Variants in PPFIA2 observed in about 807,000 individuals in gnomAD.
The protein encoded by PPFIA2 is liprin-alpha-2.
In PPFIA2, 46 loss-of-function variants were observed where a neutral mutation model predicts 175.5. That is an observed-to-expected ratio of 0.26 (90% CI 0.21 to 0.34). The LOEUF (loss-of-function observed/expected upper bound fraction) is 0.34, where lower values mean the gene tolerates loss of function less well. Among genes scored for constraint, PPFIA2 ranks in the 10% least tolerant of loss-of-function variants. The pLI is 1.00. For synonymous variants in PPFIA2, 568 were observed against 511.4 expected (o/e 1.11, Z -1.49); for missense variants, 1,179 against 1,506.1 (o/e 0.78, Z 3.60).
At chr12:81,375,607 G>A (rs1359109223) in intron 10 of PPFIA2, 189 bp downstream of exon 10, 3 of 631,438 alleles carry the variant, frequency 4.8e-6, no homozygotes, top group Admixed American at 5.8e-5. Context: ...TTACTATTAA[G>A]ATAAATAATT....
chr12:81,641,552 C>G (rs1394899618), intron 4 of PPFIA2, among the ~76,000 whole-genome samples: 1 of 152,114 alleles, frequency 6.6e-6, no homozygotes, highest in Non-Finnish European at 1.5e-5. Context: ...CAGTCTGGAG[C>G]CACGGGCCAC....
At chr12:81,359,211 T>C (rs1183755173) in intron 15 of PPFIA2, among the ~76,000 whole-genome samples, 2 of 152,032 alleles carry the variant, frequency 1.3e-5, no homozygotes, top group Non-Finnish European at 2.9e-5. Context: ...TCAGTTATTC[T>C]TGTGAACAAA....
At chr12:81,597,908 T>A (rs1173404169) in intron 4 of PPFIA2, 1 of 1,516,562 alleles carries the variant, frequency 6.6e-7, no homozygotes, top group Non-Finnish European at 8.8e-7. Context: ...AGTTTGACAA[T>A]ACATTAACTT....
chr12:81,481,518 A>G (rs568841627), intron 4 of PPFIA2, among the ~76,000 whole-genome samples: 1 of 152,182 alleles, frequency 6.6e-6, no homozygotes, highest in Non-Finnish European at 1.5e-5. Context: ...TAACCAAAAC[A>G]TCATGGTACT....
intron 4 of PPFIA2, among the ~76,000 whole-genome samples, chr12:81,463,718 G>T (rs766101005): frequency 3.2e-4 from 49 of 152,084 alleles, no homozygotes; most frequent in Non-Finnish European, 5.6e-4. Context: ...CCCTGCTCTT[G>T]ATATGTTTAC....
At chr12:81,273,558 C>T (rs1487985833) in intron 28 of PPFIA2, among the ~76,000 whole-genome samples, 1 of 152,132 alleles carries the variant, frequency 6.6e-6, no homozygotes, top group Non-Finnish European at 1.5e-5. Context: ...TCCAATCTAT[C>T]AGAAGTAGAA....
At chr12:81,427,157 C>T (rs529860731) in intron 7 of PPFIA2, among the ~76,000 whole-genome samples, 3 of 151,580 alleles carry the variant, frequency 2.0e-5, no homozygotes, top group Non-Finnish European at 4.4e-5. Context: ...ATGATGGATT[C>T]AAATTACTGA....
At chr12:81,320,767 A>G (rs1399110902) in intron 22 of PPFIA2, among the ~76,000 whole-genome samples, 1 of 152,068 alleles carries the variant, frequency 6.6e-6, no homozygotes, top group Non-Finnish European at 1.5e-5. Flanking sequence ...ATCAATTTTA[A>G]TATGTTCACT....
intron 19 of PPFIA2, among the ~76,000 whole-genome samples, chr12:81,343,301 C>T (rs960159282): frequency 3.9e-5 from 6 of 151,982 alleles, no homozygotes; most frequent in African/African-American, 1.4e-4. Context: ...TAGAACCTTC[C>T]ATCCTACCTT....
At chr12:81,483,171 A>C (rs1452861942) in intron 4 of PPFIA2, among the ~76,000 whole-genome samples, 2 of 152,176 alleles carry the variant, frequency 1.3e-5, no homozygotes, top group African/African-American at 4.8e-5. Flanking sequence ...GAAATGTTAG[A>C]GTTACCATAT....
chr12:81,433,618 C>A (rs2048477932), intron 7 of PPFIA2, among the ~76,000 whole-genome samples: 1 of 152,038 alleles, frequency 6.6e-6, no homozygotes, highest in South Asian at 2.1e-4. Context: ...TACATATGAT[C>A]AACATATTGC....
intron 3 of PPFIA2, among the ~76,000 whole-genome samples, chr12:81,706,668 C>A (rs2077187641): frequency 1.3e-5 from 2 of 152,108 alleles, no homozygotes; most frequent in South Asian, 4.1e-4. Flanking sequence ...AGTTAGGCTG[C>A]TCAGGGGTCA....
chr12:81,666,964 G>T (rs757468667), intron 4 of PPFIA2, among the ~76,000 whole-genome samples: 25 of 151,960 alleles, frequency 1.6e-4, no homozygotes, highest in African/African-American at 5.6e-4. Context: ...AATATGGTTT[G>T]CACACAATAT....
chr12:81,461,209 A>C (rs2054481735), intron 4 of PPFIA2, among the ~76,000 whole-genome samples: 1 of 152,116 alleles, frequency 6.6e-6, no homozygotes, highest in African/African-American at 2.4e-5. Context: ...CCATGCCCCA[A>C]GCTAACCATT....
At chr12:81,734,262 TGTTTGTA>T (rs2081291766) in intron 3 of PPFIA2, among the ~76,000 whole-genome samples, 1 of 151,838 alleles carries the variant, frequency 6.6e-6, no homozygotes, top group African/African-American at 2.4e-5. Flanking sequence ...CACAGCACTG[TGTTTGTA>T]GTTTGGGAAG....
At chr12:81,651,640 G>T (rs1398474637) in intron 4 of PPFIA2, among the ~76,000 whole-genome samples, 1 of 151,958 alleles carries the variant, frequency 6.6e-6, no homozygotes, top group Admixed American at 6.6e-5. Flanking sequence ...CTTCATTATA[G>T]TTACCAAAAG....
chr12:81,445,533 T>C (rs2051097368), intron 6 of PPFIA2, 23 bp downstream of exon 6: 1 of 1,604,858 alleles, frequency 6.2e-7, no homozygotes, highest in South Asian at 1.1e-5. Flanking sequence ...TAGTTAAGCT[T>C]GAACTCTTTT....
At chr12:81,508,858 T>C (rs1311744426) in intron 4 of PPFIA2, among the ~76,000 whole-genome samples, 1 of 148,976 alleles carries the variant, frequency 6.7e-6, no homozygotes, top group African/African-American at 2.5e-5. Context: ...AGTGAGAATA[T>C]GCGGTGTTTG....
chr12:81,445,606 G>T lies in PPFIA2; in HGVS notation c.520C>A (p.Leu174Ile). Residue 174 changes from leucine to isoleucine, a missense_variant, in exon 6 of 33, where the codon CTC becomes ATC. Coordinates refer to ENST00000549396, the MANE Select transcript of PPFIA2 (RefSeq NM_003625.5). Reference sequence around the variant, plus strand: ...TCAAACAAAGATTTCAGTGCCTTGAGAACTTCAACTTCACTGGATACTCCT... The same window carrying T: ...TCAAACAAAGATTTCAGTGCCTTGATAACTTCAACTTCACTGGATACTCCT... The part of the protein sequence containing the change: ...PSGVSSEVEV[L>I]KALKSLFEHH... 6.2e-7 allele frequency: 1 copy of T among 1,613,760 alleles called. No individual in the cohort carries two copies. The highest frequency in any genetic ancestry group is 8.5e-7 in the Non-Finnish European group (1 of 1,179,788).
Sources: allele counts gnomAD v4.1 joint callset (sites outside exome capture counted in the v4.1 genomes callset), GRCh38; gene constraint gnomAD v4.1.1; transcripts MANE v1.5; gene names NCBI Gene and HGNC (gene_info 2026-07-23, HGNC 2026-07-21).